Variants in KANSL1 observed in about 807,000 individuals in gnomAD.
KANSL1 encodes the protein MLL1/MLL complex subunit KANSL1.
A neutral mutation model predicts 103.6 loss-of-function variants in KANSL1; 22 were observed. The ratio of observed to expected loss-of-function variants is 0.21; its 90% CI spans 0.15 to 0.30. The LOEUF (loss-of-function observed/expected upper bound fraction) is 0.30. Among genes scored for constraint, KANSL1 ranks in the 10% least tolerant of loss-of-function variants. KANSL1 has a pLI of 1.00. For missense variants in KANSL1, 1,337 were observed against 1,399.8 expected (o/e 0.96, Z 0.72); for synonymous variants, 600 against 527.6 (o/e 1.14, Z -1.88).
At chr17:46,047,622 G>C (rs1254286700) in intron 7 of KANSL1, among the ~76,000 whole-genome samples, 1 of 151,832 alleles carries the variant, frequency 6.6e-6, no homozygotes, top group East Asian at 1.9e-4. Context: ...CATCTTTGTA[G>C]GGGGCGGGAG....
At chr17:46,076,028 A>G (rs1381757469) in intron 4 of KANSL1, among the ~76,000 whole-genome samples, 3 of 152,254 alleles carry the variant, frequency 2.0e-5, no homozygotes, top group Non-Finnish European at 4.4e-5. Context: ...TTAGTCTTTC[A>G]GACACAAAGT....
chr17:46,120,671 G>A (rs1040181277), intron 2 of KANSL1, among the ~76,000 whole-genome samples: 9 of 152,166 alleles, frequency 5.9e-5, no homozygotes, highest in Admixed American at 5.2e-4. Flanking sequence ...GAACTGAGTA[G>A]ACAGCAGAGT....
chr17:46,077,850 G>A (rs1410055445), intron 4 of KANSL1, among the ~76,000 whole-genome samples: 1 of 152,070 alleles, frequency 6.6e-6, no homozygotes, highest in Non-Finnish European at 1.5e-5. Flanking sequence ...GAGCCACCGT[G>A]CTCGGCCTAA....
chr17:46,037,191 T>C (rs886585896), intron 10 of KANSL1: 5 of 152,242 alleles, frequency 3.3e-5, no homozygotes, highest in Non-Finnish European at 7.3e-5. Flanking sequence ...CACCAAGTCC[T>C]GAATCTCTGA....
upstream of KANSL1, among the ~76,000 whole-genome samples, chr17:46,195,238 C>G (rs1290822868): frequency 6.6e-6 from 1 of 152,232 alleles, no homozygotes; most frequent in Non-Finnish European, 1.5e-5. Flanking sequence ...AAGCCCTTTG[C>G]AGCGTATACT....
At chr17:46,131,998 G>A (rs111724389) in intron 2 of KANSL1, among the ~76,000 whole-genome samples, 21,680 of 151,692 alleles carry the variant, frequency 0.14, 2,128 homozygotes, top group Non-Finnish European at 0.22. Flanking sequence ...ATGACGGCGC[G>A]TGCCTGTAAT....
Position 46,072,616 on chromosome 17 carries a change from C to T in KANSL1, c.1534-4949G>A, listed in dbSNP as rs984912290. The stretch of plus-strand genomic sequence containing the variant: ...TGCTGGCCTATAAATAGTATACTAG[C>T]CATTTCCATTAGCTAGCACCATGGC... On this transcript the variant is annotated intron_variant, in intron 4 of 14. Coordinates refer to ENST00000432791, the MANE Select transcript of KANSL1 (RefSeq NM_015443.4). Among the ~76,000 whole-genome samples the T allele has an allele frequency of 2.6e-5, 4 of 152,176 alleles. No individual in the cohort carries two copies. In the South Asian group the frequency reaches 8.3e-4, roughly 32 times the overall value.
intron 2 of KANSL1, among the ~76,000 whole-genome samples, chr17:46,110,866 G>C (rs1453496118): frequency 1.3e-5 from 2 of 152,136 alleles, no homozygotes; most frequent in Non-Finnish European, 2.9e-5. Context: ...AGTCAGAAAA[G>C]TAAAAAGCTA....
At chr17:46,214,113 G>A (rs2732601) in intron 1 of KANSL1, among the ~76,000 whole-genome samples, 21,945 of 152,070 alleles carry the variant, frequency 0.14, 2,137 homozygotes, top group Non-Finnish European at 0.22. Flanking sequence ...TTTTCCAAAA[G>A]CAAAAACAAC....
intron 3 of KANSL1, 83 bp downstream of exon 3, chr17:46,094,477 G>T: frequency 1.4e-6 from 2 of 1,460,750 alleles, no homozygotes; most frequent in Non-Finnish European, 1.9e-6. Flanking sequence ...GGTTATGGGG[G>T]TTACGAGGTG....
rs140754034 is a variant in KANSL1, at chr17:46,164,718, A to G, written c.1289+6137T>C. On this transcript the variant is annotated intron_variant, in intron 2 of 14. Coordinates refer to ENST00000432791, the MANE Select transcript of KANSL1 (RefSeq NM_015443.4). ...CTTTGCCTCAGCTTCCCCCAATGCA[A>G]AAAAATGGTGATGAGAATAGTTTCA... 1.2e-3 allele frequency among the ~76,000 whole-genome samples: 189 copies of G among 152,370 alleles called. 1 individual carries two copies. Among genetic ancestry groups the G allele is most frequent in the African/African-American group, 2.5e-3 (104 of 41,580 alleles).
At chr17:46,138,986 C>A (rs1302516189) in intron 2 of KANSL1, among the ~76,000 whole-genome samples, 1 of 152,220 alleles carries the variant, frequency 6.6e-6, no homozygotes, top group Non-Finnish European at 1.5e-5. Context: ...ATCCTAAAGG[C>A]ATCAGACACA....
chr17:46,218,423 T>C (rs1391801208), intron 1 of KANSL1, among the ~76,000 whole-genome samples: 1 of 152,266 alleles, frequency 6.6e-6, no homozygotes, highest in Non-Finnish European at 1.5e-5. Context: ...TTAATGAGCT[T>C]ACCCAGTATC....
At chr17:46,162,161 CA>C (rs1334944730) in intron 2 of KANSL1, among the ~76,000 whole-genome samples, 9 of 152,178 alleles carry the variant, frequency 5.9e-5, no homozygotes, top group African/African-American at 1.7e-4. Flanking sequence ...GATATGTAAG[CA>C]TAATTTTCCC....
At chr17:46,059,547 C>T (rs892043246) in intron 6 of KANSL1, among the ~76,000 whole-genome samples, 1 of 147,448 alleles carries the variant, frequency 6.8e-6, no homozygotes, top group East Asian at 2.2e-4. Flanking sequence ...CATATGAACC[C>T]GGGAGGCAGA....
chr17:46,057,670 G>A (rs2077982718), intron 6 of KANSL1, among the ~76,000 whole-genome samples: 1 of 151,956 alleles, frequency 6.6e-6, no homozygotes, highest in African/African-American at 2.4e-5. Flanking sequence ...GAAAAACAAG[G>A]GACAGAAAAA....
intron 6 of KANSL1, among the ~76,000 whole-genome samples, chr17:46,057,508 C>A (rs572099154): frequency 6.6e-6 from 1 of 152,210 alleles, no homozygotes; most frequent in South Asian, 2.1e-4. Context: ...TCTTCAGCTT[C>A]CAATTTAACA....
intron 1 of KANSL1, among the ~76,000 whole-genome samples, chr17:46,214,618 C>T (rs1050735115): frequency 2.0e-5 from 3 of 152,140 alleles, no homozygotes; most frequent in African/African-American, 7.2e-5. Flanking sequence ...CGCGCCGTTG[C>T]GCTCCAGCCT....
intron 3 of KANSL1, 40 bp downstream of exon 3, chr17:46,094,520 T>C: frequency 6.3e-7 from 1 of 1,595,648 alleles, no homozygotes; most frequent in Non-Finnish European, 8.5e-7. Flanking sequence ...TATTGATAGT[T>C]TTCGGCAGCA....
Sources: allele counts gnomAD v4.1 joint callset (sites outside exome capture counted in the v4.1 genomes callset), GRCh38; gene constraint gnomAD v4.1.1; transcripts MANE v1.5; gene names NCBI Gene and HGNC (gene_info 2026-07-23, HGNC 2026-07-21).